The following CDH8 variants were observed in gnomAD, a reference collection of about 807,000 sequenced individuals.
CDH8 encodes cadherin-8.
Under a neutral mutation model 68.1 loss-of-function variants are expected in CDH8, and 17 were observed. That is an observed-to-expected ratio of 0.25 (90% CI 0.17 to 0.37). The LOEUF is 0.37. Ranked by LOEUF, CDH8 falls within the 10% of genes least tolerant of loss-of-function variation. The pLI, the probability that CDH8 is intolerant of heterozygous loss-of-function variation, is 1.00. For synonymous variants in CDH8, 372 were observed against 365.1 expected (o/e 1.02, Z -0.21); for missense variants, 763 against 999.3 (o/e 0.76, Z 3.19).
At chr16:62,020,662 T>C (rs1388723884) in intron 2 of CDH8, among the ~76,000 whole-genome samples, 1 of 152,160 alleles carries the variant, frequency 6.6e-6, no homozygotes, top group African/African-American at 2.4e-5. Context: ...TTCTCCATCC[T>C]AGGTCAATTA....
rs182695642 is a variant in CDH8, at chr16:61,713,974, T to C, written c.1537-16A>G. The C allele has an allele frequency of 1.9e-4, 272 of 1,439,674 alleles. 3 individuals carry two copies. The African/African-American group carries it at 2.7e-3, about 14-fold the overall frequency. 89.2% of individuals were successfully genotyped at this position (1,439,674 alleles called of 1,614,324 possible). A position where few individuals can be genotyped will look rare whatever the true frequency, so the allele number is the denominator to read the frequency against. ...TTTGAATGACCTGAAACATAAAACT[T>C]GACGTCAGCATTTCTGATGATTTCA... On this transcript the variant is annotated splice_polypyrimidine_tract_variant and intron_variant, in intron 9 of 11. Coordinates refer to ENST00000577390, the MANE Select transcript of CDH8 (RefSeq NM_001796.5).
At chr16:61,682,835 G>T (rs1376710499) in intron 10 of CDH8, among the ~76,000 whole-genome samples, 1 of 151,828 alleles carries the variant, frequency 6.6e-6, no homozygotes, top group Non-Finnish European at 1.5e-5. Context: ...TAAAGTGAAG[G>T]TTTAAGTGAT....
chr16:61,899,732 G>C (rs994163346), intron 3 of CDH8, among the ~76,000 whole-genome samples: 9 of 152,060 alleles, frequency 5.9e-5, no homozygotes, highest in Non-Finnish European at 1.2e-4. Context: ...AGAAATGCCT[G>C]AGAATAACTT....
At chr16:61,726,140 G>T (rs895694788) in intron 9 of CDH8, 6 of 150,908 alleles carry the variant, frequency 4.0e-5, no homozygotes, top group African/African-American at 1.5e-4. Context: ...ACACCCACAT[G>T]AGGCACAAGA....
At chr16:61,817,369 C>A (rs908817456) in intron 7 of CDH8, 110 bp downstream of exon 7, 37 of 1,024,980 alleles carry the variant, frequency 3.6e-5, no homozygotes, top group Non-Finnish European at 2.2e-5. Context: ...ATTATTTGGT[C>A]ATGTGAGCAT....
chr16:61,972,080 T>G (rs1965349256), intron 2 of CDH8, among the ~76,000 whole-genome samples: 1 of 152,094 alleles, frequency 6.6e-6, no homozygotes, highest in African/African-American at 2.4e-5. Context: ...GACAATTGAA[T>G]CATGGGGGCA....
intron 8 of CDH8, among the ~76,000 whole-genome samples, chr16:61,744,563 T>C (rs1014269212): frequency 3.3e-5 from 5 of 151,956 alleles, no homozygotes; most frequent in African/African-American, 9.7e-5. Flanking sequence ...AGTATGTAAC[T>C]ATATGGGTTT....
intron 3 of CDH8, among the ~76,000 whole-genome samples, chr16:61,867,021 C>T (rs1328985883): frequency 6.6e-6 from 1 of 152,020 alleles, no homozygotes; most frequent in Non-Finnish European, 1.5e-5. Context: ...GCTGGGGTTA[C>T]CCTCCCTTTT....
chr16:61,993,773 A>G (rs547010295), intron 2 of CDH8, among the ~76,000 whole-genome samples: 5 of 152,292 alleles, frequency 3.3e-5, no homozygotes, highest in Admixed American at 2.6e-4. Context: ...ACACGTAAGT[A>G]TACACAAATG....
chr16:61,902,705 A>C (rs1567521038), intron 2 of CDH8, among the ~76,000 whole-genome samples: 1 of 152,154 alleles, frequency 6.6e-6, no homozygotes, highest in Admixed American at 6.5e-5. Flanking sequence ...AATTGTATTA[A>C]GCCCTTCAAT....
intron 8 of CDH8, among the ~76,000 whole-genome samples, chr16:61,731,650 C>T (rs1369605811): frequency 6.6e-6 from 1 of 151,654 alleles, no homozygotes; most frequent in African/African-American, 2.4e-5. Context: ...TTCCAAACTC[C>T]AGAGGAGGAT....
chr16:61,900,693 T>G (rs535444387), intron 3 of CDH8, among the ~76,000 whole-genome samples: 4 of 152,202 alleles, frequency 2.6e-5, no homozygotes, highest in African/African-American at 9.7e-5. Context: ...CCCTTGGTAA[T>G]GTCGATTGCC....
intron 10 of CDH8, among the ~76,000 whole-genome samples, chr16:61,682,997 AC>A (rs1483006360): frequency 6.6e-6 from 1 of 152,058 alleles, no homozygotes; most frequent in Non-Finnish European, 1.5e-5. Flanking sequence ...TCAAAGAAAT[AC>A]AAGTGGAGGA....
At chr16:61,900,345 T>A (rs1301344953) in intron 3 of CDH8, among the ~76,000 whole-genome samples, 2 of 152,140 alleles carry the variant, frequency 1.3e-5, no homozygotes, top group African/African-American at 4.8e-5. Flanking sequence ...GAAACAAACT[T>A]GGATATGTAC....
At chr16:61,700,038 T>C (rs928478174) in intron 10 of CDH8, among the ~76,000 whole-genome samples, 1 of 152,214 alleles carries the variant, frequency 6.6e-6, no homozygotes, top group Non-Finnish European at 1.5e-5. Flanking sequence ...AGTTTTATTG[T>C]ATTTAATTGT....
rs867134994 is a variant in CDH8 at position 61,837,895 on chromosome 16, T to G, written c.668-12716A>C. Among the ~76,000 whole-genome samples, 26 of 152,010 alleles carry G rather than the reference T, an allele frequency of 1.7e-4. 1 individual carries two copies. Among genetic ancestry groups the G allele is most frequent in the African/African-American group, 4.6e-4 (19 of 41,406 alleles). On this transcript the variant is annotated intron_variant, in intron 4 of 11. Transcript: ENST00000577390. The stretch of plus-strand genomic sequence containing the variant: ...CTATGTCCCTCCAGGACAGAGATAG[T>G]TAGATCTGTATAAACAAGAGTCTGA...
At chr16:61,975,694 G>A (rs542929275) in intron 2 of CDH8, among the ~76,000 whole-genome samples, 1 of 152,192 alleles carries the variant, frequency 6.6e-6, no homozygotes, top group African/African-American at 2.4e-5. Flanking sequence ...ATTGTTTATT[G>A]GTTCAGTGTT....
intron 3 of CDH8, among the ~76,000 whole-genome samples, chr16:61,886,159 C>T (rs1218961329): frequency 6.6e-6 from 1 of 152,134 alleles, no homozygotes; most frequent in African/African-American, 2.4e-5. Flanking sequence ...AAAAAACTTT[C>T]GAGTTTGTTC....
intron 8 of CDH8, among the ~76,000 whole-genome samples, chr16:61,771,425 T>C (rs1245762723): frequency 1.5e-5 from 2 of 137,478 alleles, no homozygotes; most frequent in East Asian, 2.2e-4. Flanking sequence ...ATTTGGATAC[T>C]ATGCCTCACA....
Sources: gnomAD v4.1 joint callset for allele counts (sites outside exome capture counted in the v4.1 genomes callset) on GRCh38, gnomAD v4.1.1 for gene constraint, MANE v1.5 for transcripts, NCBI Gene and HGNC (gene_info 2026-07-23, HGNC 2026-07-21) for gene names.